CERT1: variants seen among roughly 807,000 people sequenced by gnomAD.
CERT1 encodes ceramide transporter 1.
A neutral mutation model predicts 87.9 loss-of-function variants in CERT1; 31 were observed. The observed-to-expected ratio is 0.35, with a 90% CI of 0.27 to 0.48. The LOEUF (loss-of-function observed/expected upper bound fraction) is 0.48, where lower values mean the gene tolerates loss of function less well. CERT1 is among the 20% of genes least tolerant of loss of function. The pLI is 0.99. For missense variants in CERT1, 487 were observed against 758.0 expected (o/e 0.64, Z 4.20); for synonymous variants, 289 against 250.9 (o/e 1.15, Z -1.44).
intron 2 of CERT1, among the ~76,000 whole-genome samples, chr5:75,495,179 G>GT (rs1376397224): frequency 1.3e-5 from 2 of 152,126 alleles, no homozygotes; most frequent in African/African-American, 4.8e-5. Flanking sequence ...TTTAAAATAC[G>GT]TAATTGTTGG....
chr5:75,389,497 G>C lies in CERT1; in HGVS notation c.1284+95C>G, dbSNP rs1761946391. 8 of 882,676 alleles carry C rather than the reference G, an allele frequency of 9.1e-6. 1 individual carries two copies. The South Asian group carries it at 1.2e-4, about 13-fold the overall frequency. 54.7% of individuals were successfully genotyped at this position (882,676 alleles called of 1,614,324 possible). A position where few individuals can be genotyped will look rare whatever the true frequency, so the allele number is the denominator to read the frequency against. On this transcript the variant is annotated intron_variant, in intron 12 of 16. Transcript: ENST00000643780. ...ATGTAATAATTTGTTTTAAAGGTAA[G>C]TTGAAAGTGCTATCCTTATTCATAT...
intron 9 of CERT1, chr5:75,401,053 G>C (rs1762452974): frequency 1.3e-5 from 2 of 152,134 alleles, no homozygotes; most frequent in African/African-American, 4.8e-5. Context: ...ATATGAAGAG[G>C]GAAATGATCT....
At chr5:75,439,873 T>G (rs1160366681) in intron 3 of CERT1, among the ~76,000 whole-genome samples, 1 of 152,070 alleles carries the variant, frequency 6.6e-6, no homozygotes, top group East Asian at 1.9e-4. Flanking sequence ...AATTTCATGC[T>G]CATTAATATT....
At chr5:75,392,560 A>G (rs1321923503) in intron 11 of CERT1, among the ~76,000 whole-genome samples, 1 of 152,208 alleles carries the variant, frequency 6.6e-6, no homozygotes, top group East Asian at 1.9e-4. Context: ...GGAAAATACA[A>G]AGTAACCAAT....
At chr5:75,488,180 C>T (rs1418971826) in intron 2 of CERT1, among the ~76,000 whole-genome samples, 1 of 151,760 alleles carries the variant, frequency 6.6e-6, no homozygotes, top group Admixed American at 6.6e-5. Context: ...ATTTACTGTA[C>T]ATTTAAAAAT....
intron 3 of CERT1, among the ~76,000 whole-genome samples, chr5:75,447,617 C>T (rs1289305410): frequency 6.6e-6 from 1 of 151,620 alleles, no homozygotes; most frequent in Non-Finnish European, 1.5e-5. Context: ...ACTACAGGTG[C>T]CCACCACCAC....
At chr5:75,426,036 G>A (rs1156514277) in intron 4 of CERT1, among the ~76,000 whole-genome samples, 1 of 152,128 alleles carries the variant, frequency 6.6e-6, no homozygotes, top group African/African-American at 2.4e-5. Flanking sequence ...AGATGCAAAT[G>A]AATTTTGTCT....
At chr5:75,490,206 G>A (rs977111473) in intron 2 of CERT1, among the ~76,000 whole-genome samples, 6 of 152,148 alleles carry the variant, frequency 3.9e-5, no homozygotes, top group Non-Finnish European at 5.9e-5. Context: ...GGAGGTTGGG[G>A]ACAAGGGGAG....
intron 5 of CERT1, among the ~76,000 whole-genome samples, chr5:75,424,826 G>A (rs1763538092): frequency 6.6e-6 from 1 of 152,078 alleles, no homozygotes; most frequent in South Asian, 2.1e-4. Context: ...TCATTTGAAA[G>A]TCTTTGCCTG....
At chr5:75,374,837 G>C (rs1023761497), downstream of CERT1, 1 of 507,314 alleles carries the variant, frequency 2.0e-6, no homozygotes, top group East Asian at 5.2e-5. Context: ...GACTGAAGAT[G>C]GACTATTCTC....
chr5:75,380,972 A>G (rs895522311), intron 16 of CERT1, 100 bp downstream of exon 16: 4 of 1,245,036 alleles, frequency 3.2e-6, no homozygotes, highest in Non-Finnish European at 4.5e-6. Flanking sequence ...TAGTAATCTA[A>G]TGGATAAGAA....
At chr5:75,407,839 A>G (rs1161954748) in intron 8 of CERT1, among the ~76,000 whole-genome samples, 1 of 151,600 alleles carries the variant, frequency 6.6e-6, no homozygotes, top group Non-Finnish European at 1.5e-5. Flanking sequence ...AAAGCGTGAT[A>G]AAATAATGAA....
At chr5:75,371,835 G>C (rs1003462231) in intron 17 of CERT1, 6 of 152,154 alleles carry the variant, frequency 3.9e-5, no homozygotes, top group African/African-American at 1.2e-4. Flanking sequence ...GAATATTCAG[G>C]ATGTAGGAAT....
intron 2 of CERT1, chr5:75,505,533 G>C (rs1282932870): frequency 6.6e-6 from 1 of 152,250 alleles, no homozygotes; most frequent in Non-Finnish European, 1.5e-5. Context: ...AATCATGTGT[G>C]AGGAACATGA....
chr5:75,497,850 T>C (rs1000606568), intron 2 of CERT1, among the ~76,000 whole-genome samples: 1 of 152,026 alleles, frequency 6.6e-6, no homozygotes, highest in Non-Finnish European at 1.5e-5. Flanking sequence ...CCCGAAAATG[T>C]GGAAGCAACT....
chr5:75,385,779 T>C, intron 13 of CERT1, 123 bp downstream of exon 13: 2 of 671,586 alleles, frequency 3.0e-6, no homozygotes, highest in Non-Finnish European at 4.3e-6. Context: ...TAGTCCTCTA[T>C]ATGATTTTCC....
intron 3 of CERT1, among the ~76,000 whole-genome samples, chr5:75,445,387 C>T (rs781743528): frequency 2.6e-5 from 4 of 152,184 alleles, no homozygotes; most frequent in African/African-American, 4.8e-5. Flanking sequence ...TCTTGCAGTG[C>T]AGGTCTAGTG....
At chr5:75,499,279 A>T (rs1333904923) in intron 2 of CERT1, among the ~76,000 whole-genome samples, 1 of 152,136 alleles carries the variant, frequency 6.6e-6, no homozygotes, top group Non-Finnish European at 1.5e-5. Context: ...TGTGTTTTGA[A>T]ATGTGAGGAC....
intron 3 of CERT1, among the ~76,000 whole-genome samples, chr5:75,442,114 T>C (rs141026074): frequency 3.2e-4 from 49 of 152,352 alleles, no homozygotes; most frequent in African/African-American, 1.1e-3. Flanking sequence ...TATCTCATTA[T>C]ACTATTAATT....
Sources: allele counts gnomAD v4.1 joint callset (sites outside exome capture counted in the v4.1 genomes callset), GRCh38; gene constraint gnomAD v4.1.1; transcripts MANE v1.5; gene names NCBI Gene and HGNC (gene_info 2026-07-23, HGNC 2026-07-21).